Variants in ANK3 observed in about 807,000 individuals in gnomAD.
The protein encoded by ANK3 is ankyrin-3.
In ANK3, 57 loss-of-function variants were observed where a neutral mutation model predicts 370.9. The observed-to-expected ratio is 0.15, with a 90% CI of 0.12 to 0.19. The LOEUF is 0.19. Ranked by LOEUF, ANK3 falls within the 10% of genes least tolerant of loss-of-function variation. ANK3 has a pLI of 1.00. For missense variants in ANK3, 4,439 were observed against 5,302.1 expected, an observed-to-expected ratio of 0.84 and a Z score of 5.06; for synonymous variants, 1,929 against 1,946.3, an observed-to-expected ratio of 0.99 and a Z score of 0.23.
chr10:60,691,542 C>A (rs773932670), intron 1 of ANK3, among the ~76,000 whole-genome samples: 2 of 152,152 alleles, frequency 1.3e-5, no homozygotes, highest in Non-Finnish European at 2.9e-5. Context: ...CTTAAACTAA[C>A]GGCATGTCAA....
At chr10:60,353,437 C>A (rs557117987) in intron 1 of ANK3, among the ~76,000 whole-genome samples, 2 of 152,122 alleles carry the variant, frequency 1.3e-5, no homozygotes, top group Non-Finnish European at 2.9e-5. Context: ...TCCTTGGTTA[C>A]CCCTGCCTAA....
At chr10:60,230,905 A>G (rs558164680) in intron 8 of ANK3, among the ~76,000 whole-genome samples, 1 of 152,128 alleles carries the variant, frequency 6.6e-6, no homozygotes, top group African/African-American at 2.4e-5. Context: ...AAAAAAAAAA[A>G]AAAAGAAACC....
At position 60,297,300 on chromosome 10, in the gene ANK3, C is replaced by T. The variant is rs190421788; in HGVS notation, c.115-17661G>A. Among the ~76,000 whole-genome samples the T allele has an allele frequency of 4.9e-3, 749 of 152,110 alleles. 7 individuals are homozygous for T. The highest frequency in any genetic ancestry group is 0.017 in the African/African-American group (713 of 41,500). On this transcript the variant is annotated intron_variant, in intron 1 of 43. Transcript: ENST00000280772. ...CAACATTATTCTCTGGAAATGTTTG[C>T]GATCATGAATATCTACAAAGATATT...
intron 41 of ANK3, among the ~76,000 whole-genome samples, chr10:60,057,284 A>G (rs952717013): frequency 1.3e-5 from 2 of 152,104 alleles, no homozygotes; most frequent in South Asian, 4.2e-4. Context: ...TTTTAAATTG[A>G]CTTCTAAGTT....
At chr10:60,110,450 T>G (rs778817934) in intron 26 of ANK3, among the ~76,000 whole-genome samples, 6 of 152,174 alleles carry the variant, frequency 3.9e-5, no homozygotes, top group Non-Finnish European at 8.8e-5. Flanking sequence ...TACAACATTC[T>G]ATCGATTTTG....
intron 1 of ANK3, among the ~76,000 whole-genome samples, chr10:60,684,350 G>A (rs1444100182): frequency 6.6e-6 from 1 of 152,180 alleles, no homozygotes; most frequent in Non-Finnish European, 1.5e-5. Flanking sequence ...CCAGCGAACA[G>A]GTATCAGCAC....
chr10:60,263,740 G>A, intron 6 of ANK3, 95 bp downstream of exon 6: 7 of 1,387,158 alleles, frequency 5.0e-6, no homozygotes, highest in Non-Finnish European at 7.0e-6. Flanking sequence ...TAAAGGCATG[G>A]CATAAGCTTG....
intron 1 of ANK3, among the ~76,000 whole-genome samples, chr10:60,359,458 C>T (rs1353497748): frequency 1.3e-5 from 2 of 152,186 alleles, no homozygotes; most frequent in Non-Finnish European, 2.9e-5. Context: ...CCAATTCACA[C>T]ATAAATTAAC....
At chr10:60,548,206 CTTTTTTTTTTTTTT>C (rs537459971) in intron 2 of ANK3, among the ~76,000 whole-genome samples, 2 of 88,342 alleles carry the variant, frequency 2.3e-5, no homozygotes, top group Non-Finnish European at 2.1e-5. Context: ...TAAATATTTC[CTTTTTTTTTTTTTT>C]TTTTTTTTTT....
At chr10:60,124,357 G>C (rs980633465) in intron 25 of ANK3, among the ~76,000 whole-genome samples, 3 of 151,804 alleles carry the variant, frequency 2.0e-5, no homozygotes, top group African/African-American at 7.3e-5. Context: ...TGTATTTTTA[G>C]TAGAGATGGG....
chr10:60,611,407 C>A (rs2078199881), intron 2 of ANK3, among the ~76,000 whole-genome samples: 1 of 152,136 alleles, frequency 6.6e-6, no homozygotes, highest in East Asian at 1.9e-4. Flanking sequence ...GCAGTCTCCC[C>A]ACATACAGAC....
At chr10:60,187,541 T>C (rs2096376542) in intron 16 of ANK3, among the ~76,000 whole-genome samples, 2 of 152,206 alleles carry the variant, frequency 1.3e-5, no homozygotes, top group African/African-American at 4.8e-5. Context: ...GAAATTATGT[T>C]ACAACATGCT....
At chr10:60,412,105 G>A (rs920391817) in intron 2 of ANK3, among the ~76,000 whole-genome samples, 1 of 152,170 alleles carries the variant, frequency 6.6e-6, no homozygotes. Context: ...GGAAGCAAGT[G>A]GGAAGATGTT....
chr10:60,453,813 ACAT>A lies in ANK3; in HGVS notation c.96+161370_96+161372del, dbSNP rs2064673976. Among the ~76,000 whole-genome samples the A allele has an allele frequency of 3.3e-5, 5 of 152,262 alleles. No individual in the cohort carries two copies. In the South Asian group the frequency reaches 1.0e-3, roughly 32 times the overall value. ...AATTGTGATTGTTTCTGAAGTCATA[ACAT>A]CATTTTTCAAATTTTATGCCTAAAT... On this transcript the variant is annotated intron_variant, in intron 2 of 43. Coordinates refer to the ANK3 transcript ENST00000373827.
At position 60,084,651 on chromosome 10, in the gene ANK3, A is replaced by G. The variant is rs2086223138; in HGVS notation, c.4025T>C (p.Leu1342Ser). Residue 1342 changes from leucine (L) to serine (S), a missense_variant, in exon 32 of 44, where the codon TTA becomes TCA. Physicochemically the swap from Leu to Ser is moderately radical, Grantham distance 145. Coordinates refer to ENST00000280772, the MANE Select transcript of ANK3 (RefSeq NM_020987.5). ...TTCCTCAAAATTCTCTTGTTGCTCT[A>G]AAGTTTTGTCCACTTTGTCATCTGT... ...CMTDDKVDKT[L>S]EQQENFEEVA... 6.2e-7 allele frequency: 1 copy of G among 1,613,796 alleles called. No homozygotes were observed. The highest frequency in any genetic ancestry group is 1.3e-5 in the African/African-American group (1 of 74,928).
intron 7 of ANK3, among the ~76,000 whole-genome samples, chr10:60,237,662 C>T (rs1259902819): frequency 6.6e-6 from 1 of 151,616 alleles, no homozygotes; most frequent in East Asian, 1.9e-4. Flanking sequence ...TACATGTGCA[C>T]AATGTGCAGG....
chr10:60,140,142 A>C, intron 23 of ANK3: 1 of 581,854 alleles, frequency 1.7e-6, no homozygotes, highest in Non-Finnish European at 3.0e-6. Flanking sequence ...GGAAACCGCA[A>C]GAGCTCAGCT....
At chr10:60,319,982 C>T (rs527670621) in intron 1 of ANK3, among the ~76,000 whole-genome samples, 1 of 152,268 alleles carries the variant, frequency 6.6e-6, no homozygotes, top group South Asian at 2.1e-4. Flanking sequence ...TTTCCCTCAG[C>T]CTTCTGTGTC....
chr10:60,277,133 T>G (rs2098102774), intron 4 of ANK3, among the ~76,000 whole-genome samples: 1 of 152,228 alleles, frequency 6.6e-6, no homozygotes, highest in Non-Finnish European at 1.5e-5. Flanking sequence ...GTTCCTTTTC[T>G]TTGACTCTGA....
Sources: allele counts gnomAD v4.1 joint callset (sites outside exome capture counted in the v4.1 genomes callset), GRCh38; gene constraint gnomAD v4.1.1; transcripts MANE v1.5; gene names NCBI Gene and HGNC (gene_info 2026-07-23, HGNC 2026-07-21).